FAM117B: variants seen among roughly 807,000 people sequenced by gnomAD.
FAM117B encodes family with sequence similarity 117 member B, also known as protein FAM117B.
FAM117B carries 22 observed loss-of-function variants against 52.8 expected under a neutral mutation model. The observed-to-expected ratio is 0.42, with a 90% CI of 0.30 to 0.59. FAM117B has a LOEUF of 0.59. Ranked by LOEUF, FAM117B falls within the 20% of genes least tolerant of loss-of-function variation. The pLI, the probability that FAM117B is intolerant of heterozygous loss-of-function variation, is 0.22. For synonymous variants in FAM117B, 309 were observed against 324.1 expected (o/e 0.95, Z 0.50); for missense variants, 678 against 802.6 (o/e 0.84, Z 1.88).
At chr2:202,636,632 A>G (rs910803687) in intron 1 of FAM117B, among the ~76,000 whole-genome samples, 19 of 152,206 alleles carry the variant, frequency 1.2e-4, no homozygotes, top group Non-Finnish European at 2.5e-4. Context: ...TGGGAAGTGG[A>G]AAGGAATAAA....
Position 202,757,246 on chromosome 2 carries a change from C to T in FAM117B, c.1138C>T (p.Pro380Ser). Residue 380 changes from proline to serine, a missense_variant, in exon 6 of 8, where the codon CCC (proline) becomes TCC (serine). Pro to Ser is a moderately conservative substitution (Grantham distance 74, BLOSUM62 -1). This residue lies in a region of FAM117B where 583 missense variants were observed against 644.8 expected (regional missense o/e 0.90). Coordinates refer to ENST00000392238, the MANE Select transcript of FAM117B (RefSeq NM_173511.4). ...QDIPDGHRAP[P>S]PLVQRSSSTR... The stretch of plus-strand genomic sequence containing the variant: ...TATTCCAGATGGCCATCGTGCTCCA[C>T]CCCCCCTTGTACAGAGAAGTAGCAG... The T allele has an allele frequency of 6.2e-7, 1 of 1,613,800 alleles. No homozygotes were observed.
At chr2:202,730,653 A>G (rs1047137457) in intron 4 of FAM117B, among the ~76,000 whole-genome samples, 6 of 152,208 alleles carry the variant, frequency 3.9e-5, no homozygotes, top group Non-Finnish European at 8.8e-5. Flanking sequence ...TGGGGGAGAT[A>G]GAGTTCTCTA....
intron 2 of FAM117B, among the ~76,000 whole-genome samples, chr2:202,696,817 G>A (rs967003616): frequency 1.3e-5 from 2 of 152,196 alleles, no homozygotes; most frequent in African/African-American, 4.8e-5. Context: ...TATAGTGCCA[G>A]CACTTTGGGA....
rs554258874 is a variant in FAM117B, at chr2:202,639,244, G to T, written c.601+3456G>T. The stretch of plus-strand genomic sequence containing the variant: ...AACTGGATGCTGTAACCTTTGTTAG[G>T]GATCCGGTATCTCAGAGTCCCTAAG... On this transcript the variant is annotated intron_variant, in intron 1 of 7. Transcript: ENST00000392238. Among the ~76,000 whole-genome samples the T allele has an allele frequency of 3.9e-5, 6 of 152,266 alleles. No homozygotes were observed. The South Asian group carries it at 1.2e-3, about 32-fold the overall frequency.
At chr2:202,642,207 C>T (rs1689781401) in intron 1 of FAM117B, among the ~76,000 whole-genome samples, 1 of 150,814 alleles carries the variant, frequency 6.6e-6, no homozygotes, top group Non-Finnish European at 1.5e-5. Flanking sequence ...TCCGCCTCGG[C>T]CTCCCAAAGT....
intron 6 of FAM117B, among the ~76,000 whole-genome samples, chr2:202,757,742 C>T (rs1003438779): frequency 2.0e-5 from 3 of 152,184 alleles, no homozygotes; most frequent in Non-Finnish European, 4.4e-5. Context: ...CTCTGAAAAG[C>T]ACTTTGGTCT....
chr2:202,690,969 C>T lies in FAM117B; in HGVS notation c.602-4912C>T, dbSNP rs574791848. On this transcript the variant is annotated intron_variant, in intron 1 of 7. Coordinates refer to ENST00000392238, the MANE Select transcript of FAM117B (RefSeq NM_173511.4). The stretch of plus-strand genomic sequence containing the variant: ...TGTAGACTGTGTTCTTTATTACAGG[C>T]TGCGACTTATTCTTTTTAATTTCTA... Among the ~76,000 whole-genome samples, 3 of 145,888 alleles carry T rather than the reference C, an allele frequency of 2.1e-5. No homozygotes were observed. In the Admixed American group the frequency reaches 2.1e-4, roughly 10 times the overall value.
At chr2:202,671,336 A>G (rs1470871411) in intron 1 of FAM117B, among the ~76,000 whole-genome samples, 1 of 152,232 alleles carries the variant, frequency 6.6e-6, no homozygotes, top group Non-Finnish European at 1.5e-5. Context: ...ACACTGGGCA[A>G]CTGGTCATCA....
intron 1 of FAM117B, among the ~76,000 whole-genome samples, chr2:202,654,056 A>G (rs1196025752): frequency 7.5e-6 from 1 of 132,896 alleles, no homozygotes; most frequent in East Asian, 2.0e-4. Flanking sequence ...GCGGGAAGAG[A>G]GTGAGTGAGA....
intron 2 of FAM117B, among the ~76,000 whole-genome samples, chr2:202,721,510 T>C (rs371922328): frequency 1.3e-5 from 2 of 152,348 alleles, no homozygotes; most frequent in East Asian, 3.9e-4. Context: ...CTTGGCCTAA[T>C]GGAATGAAAA....
chr2:202,716,431 T>G (rs532109931), intron 2 of FAM117B, among the ~76,000 whole-genome samples: 3 of 152,292 alleles, frequency 2.0e-5, no homozygotes, highest in East Asian at 1.9e-4. Context: ...TTATTTGTTT[T>G]CTGGTTGTTT....
intron 1 of FAM117B, among the ~76,000 whole-genome samples, chr2:202,656,687 A>G (rs1277517933): frequency 6.6e-6 from 1 of 152,192 alleles, no homozygotes; most frequent in African/African-American, 2.4e-5. Flanking sequence ...AGAGTGTTCT[A>G]TAAATGTCAC....
At chr2:202,653,067 G>A (rs1213621276) in intron 1 of FAM117B, among the ~76,000 whole-genome samples, 2 of 152,112 alleles carry the variant, frequency 1.3e-5, no homozygotes. Flanking sequence ...GAGTTTTCGA[G>A]ACCAGCCTAG....
chr2:202,717,338 T>G (rs1207576904), intron 2 of FAM117B, among the ~76,000 whole-genome samples: 12 of 152,106 alleles, frequency 7.9e-5, no homozygotes, highest in Non-Finnish European at 1.2e-4. Flanking sequence ...CCAGGTGTGG[T>G]GGCATATGCC....
chr2:202,740,580 A>G (rs1691517610), intron 4 of FAM117B, among the ~76,000 whole-genome samples: 1 of 152,176 alleles, frequency 6.6e-6, no homozygotes, highest in African/African-American at 2.4e-5. Flanking sequence ...GCTGCTGCCT[A>G]ATTATTACAG....
chr2:202,661,864 C>T (rs10184377), intron 1 of FAM117B, among the ~76,000 whole-genome samples: 12,110 of 149,668 alleles, frequency 0.081, 1,644 homozygotes, highest in African/African-American at 0.28. Context: ...TGCAGTGAGC[C>T]GAGATCATGC....
intron 4 of FAM117B, among the ~76,000 whole-genome samples, chr2:202,731,619 A>G (rs1005016154): frequency 7.3e-5 from 11 of 150,866 alleles, no homozygotes; most frequent in Non-Finnish European, 1.6e-4. Flanking sequence ...TTTAGTAAAT[A>G]CAGGGTTTTA....
At chr2:202,693,269 C>G (rs1229770353) in intron 1 of FAM117B, among the ~76,000 whole-genome samples, 2 of 152,110 alleles carry the variant, frequency 1.3e-5, no homozygotes, top group African/African-American at 4.8e-5. Flanking sequence ...CTAATTCTGT[C>G]CCCCAGAAGG....
intron 2 of FAM117B, among the ~76,000 whole-genome samples, chr2:202,718,267 G>A (rs950769619): frequency 6.6e-6 from 1 of 152,298 alleles, no homozygotes; most frequent in African/African-American, 2.4e-5. Flanking sequence ...TCTGCTTGGT[G>A]CTCTCTGCCA....
Sources: gnomAD v4.1 joint callset for allele counts (sites outside exome capture counted in the v4.1 genomes callset) on GRCh38, gnomAD v4.1.1 for gene constraint, gnomAD v4.1.1 regional missense constraint, MANE v1.5 for transcripts, NCBI Gene and HGNC (gene_info 2026-07-23, HGNC 2026-07-21) for gene names.